The following PFKFB3 variants were observed in gnomAD, a reference collection of about 807,000 sequenced individuals.
The protein encoded by PFKFB3 is 6-phosphofructo-2-kinase/fructose-2,6-bisphosphatase 3.
A neutral mutation model predicts 68.0 loss-of-function variants in PFKFB3; 33 were observed. The ratio of observed to expected loss-of-function variants is 0.49; its 90% CI spans 0.37 to 0.65. PFKFB3 has a LOEUF of 0.65. Ranked by LOEUF, PFKFB3 falls within the 30% of genes least tolerant of loss-of-function variation. The pLI, the probability that PFKFB3 is intolerant of heterozygous loss-of-function variation, is 0.00. For synonymous variants in PFKFB3, 315 were observed against 288.2 expected (o/e 1.09, Z -0.94); for missense variants, 586 against 712.2 (o/e 0.82, Z 2.02).
chr10:6,166,043 G>A lies in PFKFB3; in HGVS notation c.16+21030G>A, dbSNP rs570362097. On this transcript the variant is annotated intron_variant, in intron 1 of 14. Coordinates refer to the PFKFB3 transcript ENST00000379789. ...CATCCAGGCTGGAGTGCAGTGGCAC[G>A]ATCCCGGCTCACTGCAACTTCCGCC... 1.0e-3 allele frequency among the ~76,000 whole-genome samples: 150 copies of A among 148,374 alleles called. 1 individual carries two copies. The highest frequency in any genetic ancestry group is 3.7e-3 in the African/African-American group (146 of 39,930).
rs1361856368 is a variant in PFKFB3, at chr10:6,233,087, G to A, written c.*145G>A. The A allele has an allele frequency of 5.8e-6, 4 of 689,784 alleles. No individual in the cohort carries two copies. Among genetic ancestry groups the A allele is most frequent in the Non-Finnish European group, 1.0e-5 (4 of 387,380 alleles). 42.7% of individuals were successfully genotyped at this position (689,784 alleles called of 1,614,324 possible). A position where few individuals can be genotyped will look rare whatever the true frequency, so the allele number is the denominator to read the frequency against. On this transcript the variant is annotated 3_prime_UTR_variant, in exon 15 of 15. Coordinates refer to ENST00000379775, the MANE Select transcript of PFKFB3 (RefSeq NM_004566.4). ...GGGAGCCTTGGCCGAAGAGAACCAT[G>A]CTTGGCACCGTCTGTGTCCCCTCGG...
intron 1 of PFKFB3, among the ~76,000 whole-genome samples, chr10:6,157,789 G>A (rs1285314843): frequency 6.6e-6 from 1 of 152,114 alleles, no homozygotes; most frequent in Non-Finnish European, 1.5e-5. Context: ...TATAGGAAAT[G>A]GATTTCTTAA....
Position 6,179,595 on chromosome 10 carries a change from G to A in PFKFB3, c.17-34028G>A, listed in dbSNP as rs1376320138. On this transcript the variant is annotated intron_variant, in intron 1 of 14. Transcript: ENST00000379789. ...GTTGCTGTCCATGGGGGTCGTCGAA[G>A]GACGGGTGTGGAGGCCCAGGAGGAC... 2.6e-5 allele frequency among the ~76,000 whole-genome samples: 4 copies of A among 152,286 alleles called. No homozygotes were observed. The East Asian group carries it at 7.7e-4, about 29-fold the overall frequency.
At chr10:6,283,896 C>T in the PFKFB3 span, among the ~76,000 whole-genome samples, 217 of 152,192 alleles carry the variant, frequency 1.4e-3, no homozygotes, top group African/African-American at 5.1e-3. Context: ...TCAGATCATG[C>T]CTCCCAGTAT....
chr10:6,246,026 C>T lies in PFKFB3; in HGVS notation c.1516-8152C>T, dbSNP rs528358159. Among the ~76,000 whole-genome samples the T allele has an allele frequency of 1.7e-4, 26 of 152,264 alleles. No individual in the cohort carries two copies. In the South Asian group the frequency reaches 3.7e-3, roughly 22 times the overall value. On this transcript the variant is annotated intron_variant, in intron 14 of 14. Coordinates refer to the PFKFB3 transcript ENST00000640683. ...AAAGCCGCCTCCTCTTCCTTCTTCT[C>T]GAAGACCCTCTATGCAATCCCTTTA...
intron 1 of PFKFB3, among the ~76,000 whole-genome samples, chr10:6,206,001 C>G (rs1843664256): frequency 1.4e-5 from 2 of 147,564 alleles, no homozygotes; most frequent in Admixed American, 6.8e-5. Context: ...ATTGATCATT[C>G]TTGGGTGTTT....
At chr10:6,326,178 C>T in the PFKFB3 span, among the ~76,000 whole-genome samples, 98 of 152,286 alleles carry the variant, frequency 6.4e-4, no homozygotes, top group African/African-American at 2.1e-3. Flanking sequence ...AGCAAACTAA[C>T]GCCTGCAGAA....
chr10:6,314,010 G>T, the PFKFB3 span, among the ~76,000 whole-genome samples: 3,302 of 152,312 alleles, frequency 0.022, 115 homozygotes, highest in African/African-American at 0.074. Flanking sequence ...GGAATGGGAC[G>T]CGAAATCCAG....
At chr10:6,323,302 G>T in the PFKFB3 span, among the ~76,000 whole-genome samples, 2 of 152,248 alleles carry the variant, frequency 1.3e-5, no homozygotes, top group Admixed American at 6.5e-5. Flanking sequence ...AAGTACAAAA[G>T]TCTGGGAACC....
chr10:6,243,643 T>C (rs1302454901), intron 14 of PFKFB3, among the ~76,000 whole-genome samples: 1 of 152,168 alleles, frequency 6.6e-6, no homozygotes, highest in African/African-American at 2.4e-5. Flanking sequence ...TCAAATGGAG[T>C]GGGGAAGGTG....
chr10:6,306,003 A>C, the PFKFB3 span, among the ~76,000 whole-genome samples: 1 of 152,112 alleles, frequency 6.6e-6, no homozygotes, highest in South Asian at 2.1e-4. Flanking sequence ...TTTGTTATTT[A>C]CATTGGGTTA....
In PFKFB3 at chr10:6,226,243, C is replaced by T; in HGVS notation, c.1393C>T (p.Leu465=). ...CATGAGACGCAATAGTGTCACCCCG[C>T]TAGCCAGCCCCGAACCCACCAAAAA... The part of the protein sequence containing the change: ...PLMRRNSVTP[L]ASPEPTKKPR... Residue 465 remains leucine (L), a synonymous_variant, in exon 14 of 15, where the codon CTA becomes TTA. Transcript: ENST00000379775. 6.2e-7 allele frequency: 1 copy of T among 1,613,896 alleles called. No homozygotes were observed. The highest frequency in any genetic ancestry group is 8.5e-7 in the Non-Finnish European group (1 of 1,179,862).
intron 1 of PFKFB3, among the ~76,000 whole-genome samples, chr10:6,189,306 T>C (rs889321344): frequency 6.6e-6 from 1 of 152,210 alleles, no homozygotes; most frequent in Non-Finnish European, 1.5e-5. Flanking sequence ...AGGTCACTTA[T>C]TTTTTAGAAT....
the PFKFB3 span, among the ~76,000 whole-genome samples, chr10:6,269,067 A>C: frequency 6.6e-6 from 1 of 150,606 alleles, no homozygotes; most frequent in Non-Finnish European, 1.5e-5. Context: ...TTAAAAATTC[A>C]TTTTTTAATT....
intron 1 of PFKFB3, chr10:6,152,077 C>G (rs1841610636): frequency 6.5e-6 from 1 of 154,208 alleles, no homozygotes; most frequent in Admixed American, 6.5e-5. Flanking sequence ...TCAGACAATA[C>G]TGTACATGCT....
rs1481280141 is a variant in PFKFB3, at chr10:6,228,150, G to A, written c.1515+1785G>A. Reference sequence around the variant, plus strand: ...TTTCAGGGCTTCGTCCCTGCAGATTGCGCCCTGCCTCCTGACTGACTTCTC... The same window carrying A: ...TTTCAGGGCTTCGTCCCTGCAGATTACGCCCTGCCTCCTGACTGACTTCTC... On this transcript the variant is annotated intron_variant, in intron 14 of 14. Transcript: ENST00000379775. The surrounding 1 kb of genome is among the most constrained non-coding windows in gnomAD (Gnocchi z 4.5). 4 of 1,611,570 alleles carry A rather than the reference G, an allele frequency of 2.5e-6. No individual in the cohort carries two copies. Among genetic ancestry groups the A allele is most frequent in the Non-Finnish European group, 3.4e-6 (4 of 1,178,950 alleles).
At chr10:6,277,742 T>C in the PFKFB3 span, 6 of 424,492 alleles carry the variant, frequency 1.4e-5, no homozygotes, top group South Asian at 1.0e-4. Context: ...GCACCACGCT[T>C]TCTGTACAGC....
chr10:6,313,580 T>G, the PFKFB3 span, among the ~76,000 whole-genome samples: 1 of 152,204 alleles, frequency 6.6e-6, no homozygotes, highest in Non-Finnish European at 1.5e-5. This position sits in a 1 kb window ranked among gnomAD's most constrained non-coding sequence, Gnocchi z 4.2. Flanking sequence ...GCCTAAATGA[T>G]CGGTTTTAAT....
At chr10:6,211,507 G>A (rs1006440093) in intron 1 of PFKFB3, among the ~76,000 whole-genome samples, 1 of 152,194 alleles carries the variant, frequency 6.6e-6, no homozygotes, top group African/African-American at 2.4e-5. Context: ...AGGAGTTGCT[G>A]CTACTTTCCT....
Sources: gnomAD v4.1 joint callset for allele counts (sites outside exome capture counted in the v4.1 genomes callset) on GRCh38, gnomAD v4.1.1 for gene constraint, Gnocchi (gnomAD v3.1) non-coding constraint, MANE v1.5 for transcripts, NCBI Gene and HGNC (gene_info 2026-07-23, HGNC 2026-07-21) for gene names.